Variants in GRM7 observed in about 807,000 individuals in gnomAD.
The protein encoded by GRM7 is metabotropic glutamate receptor 7.
A neutral mutation model predicts 84.5 loss-of-function variants in GRM7; 35 were observed. The observed-to-expected ratio is 0.41, with a 90% CI of 0.32 to 0.55. GRM7 has a LOEUF of 0.55. GRM7 is among the 20% of genes least tolerant of loss of function. The pLI is 0.19. For synonymous variants in GRM7, 487 were observed against 455.1 expected, an observed-to-expected ratio of 1.07 and a Z score of -0.89; for missense variants, 1,003 against 1,194.6, an observed-to-expected ratio of 0.84 and a Z score of 2.36.
intron 1 of GRM7, among the ~76,000 whole-genome samples, chr3:6,962,969 G>A (rs933549420): frequency 1.3e-5 from 2 of 152,218 alleles, no homozygotes; most frequent in Non-Finnish European, 2.9e-5. Context: ...TATACTTCAA[G>A]GTTAAATGCA....
chr3:7,045,038 C>T lies in GRM7; in HGVS notation c.520-101414C>T, dbSNP rs111702218. 5.3e-5 allele frequency among the ~76,000 whole-genome samples: 8 copies of T among 152,218 alleles called. No individual in the cohort carries two copies. In the South Asian group the frequency reaches 1.7e-3, roughly 32 times the overall value. On this transcript the variant is annotated intron_variant, in intron 1 of 9. Coordinates refer to ENST00000357716, the MANE Select transcript of GRM7 (RefSeq NM_000844.4). ...GACCTGTTTCTATTTCTGTTTCTTGCTTTTAGTGTAGAAGATTCTGTGTTA... is the reference window on the plus strand; with the variant it reads ...GACCTGTTTCTATTTCTGTTTCTTGTTTTTAGTGTAGAAGATTCTGTGTTA...
At chr3:7,544,773 A>G (rs1693059721) in intron 7 of GRM7, among the ~76,000 whole-genome samples, 1 of 151,988 alleles carries the variant, frequency 6.6e-6, no homozygotes, top group Non-Finnish European at 1.5e-5. Flanking sequence ...TATTTTTGAC[A>G]CTTTTTTCTC....
chr3:7,501,629 C>T (rs544960504), intron 7 of GRM7, among the ~76,000 whole-genome samples: 12 of 152,134 alleles, frequency 7.9e-5, no homozygotes, highest in Non-Finnish European at 1.5e-4. Flanking sequence ...GACTTCTTAT[C>T]GACTACACTA....
chr3:7,142,340 G>A (rs1693972570), intron 1 of GRM7, among the ~76,000 whole-genome samples: 1 of 152,082 alleles, frequency 6.6e-6, no homozygotes, highest in African/African-American at 2.4e-5. Flanking sequence ...AACTTATAAA[G>A]GAAAGAGCTA....
chr3:7,096,313 C>T (rs959831288), intron 1 of GRM7, among the ~76,000 whole-genome samples: 1 of 152,100 alleles, frequency 6.6e-6, no homozygotes, highest in Non-Finnish European at 1.5e-5. Context: ...AATAGCCATA[C>T]TTTGAGGGTC....
intron 1 of GRM7, among the ~76,000 whole-genome samples, chr3:7,067,007 A>G (rs938335927): frequency 1.3e-5 from 2 of 151,920 alleles, no homozygotes; most frequent in African/African-American, 4.8e-5. Context: ...AAAATGGCAT[A>G]CAAAGGACAT....
At chr3:7,313,338 A>G (rs1017577914) in intron 4 of GRM7, among the ~76,000 whole-genome samples, 1 of 150,638 alleles carries the variant, frequency 6.6e-6, no homozygotes. Context: ...AAAGACAGAT[A>G]GAAAAAGCAA....
At chr3:7,179,737 A>T (rs897508789) in intron 2 of GRM7, among the ~76,000 whole-genome samples, 1 of 152,182 alleles carries the variant, frequency 6.6e-6, no homozygotes, top group African/African-American at 2.4e-5. Flanking sequence ...TAAGAAGTGC[A>T]ATGCTTGTCT....
chr3:7,213,329 AAGG>A (rs1322135210), intron 2 of GRM7, among the ~76,000 whole-genome samples: 1 of 152,154 alleles, frequency 6.6e-6, no homozygotes, highest in Non-Finnish European at 1.5e-5. Context: ...TCAAATATCT[AAGG>A]AGTATACCAC....
intron 8 of GRM7, among the ~76,000 whole-genome samples, chr3:7,661,136 T>C (rs1699426734): frequency 6.6e-6 from 1 of 152,164 alleles, no homozygotes; most frequent in Admixed American, 6.5e-5. Flanking sequence ...CTTCTGTTTT[T>C]CAAAAGATAG....
chr3:7,168,852 A>G (rs953807320), intron 2 of GRM7, among the ~76,000 whole-genome samples: 3 of 152,184 alleles, frequency 2.0e-5, no homozygotes, highest in African/African-American at 7.2e-5. Context: ...TTGTCTTGAT[A>G]TTCACCATAT....
At chr3:7,414,447 ACT>A (rs1696073674) in intron 4 of GRM7, among the ~76,000 whole-genome samples, 1 of 151,970 alleles carries the variant, frequency 6.6e-6, no homozygotes. Flanking sequence ...TTCCACTCTG[ACT>A]CTCTTGCAAG....
chr3:7,263,444 C>T (rs1377257283), intron 2 of GRM7, among the ~76,000 whole-genome samples: 1 of 152,126 alleles, frequency 6.6e-6, no homozygotes, highest in Non-Finnish European at 1.5e-5. Context: ...GCAGGGTGCA[C>T]CCTCATTGGC....
intron 8 of GRM7, among the ~76,000 whole-genome samples, chr3:7,608,625 C>T (rs1041367889): frequency 6.6e-6 from 1 of 151,986 alleles, no homozygotes; most frequent in African/African-American, 2.4e-5. Context: ...ACTTTTGTCA[C>T]ATTCATGGTT....
chr3:7,338,021 G>A (rs1483804690), intron 4 of GRM7, among the ~76,000 whole-genome samples: 2 of 151,298 alleles, frequency 1.3e-5, no homozygotes, highest in South Asian at 2.1e-4. Flanking sequence ...CAAACAATGA[G>A]CAAATAAAGA....
intron 9 of GRM7, among the ~76,000 whole-genome samples, chr3:7,695,313 G>T (rs74680396): frequency 0.029 from 4,360 of 152,242 alleles, 93 homozygotes; most frequent in Non-Finnish European, 0.046. Flanking sequence ...ATAAGAAGCT[G>T]GGTCAATATT....
chr3:7,386,421 T>C (rs1196916975), intron 4 of GRM7, among the ~76,000 whole-genome samples: 1 of 152,176 alleles, frequency 6.6e-6, no homozygotes, highest in Non-Finnish European at 1.5e-5. Flanking sequence ...CCTTGTCCCA[T>C]TTCCATCCTC....
rs867596315 is a variant in GRM7, at chr3:7,644,213, C to T, written c.2452-35836C>T. ...CTGTACGTATATATATATGTCTGTA[C>T]ATATATATGTGTGTGTCTGTACATA... On this transcript the variant is annotated intron_variant, in intron 8 of 9. Coordinates refer to ENST00000357716, the MANE Select transcript of GRM7 (RefSeq NM_000844.4). Among the ~76,000 whole-genome samples, 8 of 134,768 alleles carry T rather than the reference C, an allele frequency of 5.9e-5. No homozygotes were observed. The South Asian group carries it at 9.6e-4, about 16-fold the overall frequency. The allele number at this position is 134,768 out of a possible 152,430, so 88.4% of individuals were successfully genotyped here.
At chr3:7,655,017 C>A (rs1259661961) in intron 8 of GRM7, among the ~76,000 whole-genome samples, 1 of 152,166 alleles carries the variant, frequency 6.6e-6, no homozygotes, top group Non-Finnish European at 1.5e-5. Context: ...CCTCAATTGT[C>A]CGTGGTTCTA....
Sources: gnomAD v4.1 joint callset for allele counts (sites outside exome capture counted in the v4.1 genomes callset) on GRCh38, gnomAD v4.1.1 for gene constraint, MANE v1.5 for transcripts, NCBI Gene and HGNC (gene_info 2026-07-23, HGNC 2026-07-21) for gene names.